The following GBGT1 variants were observed in gnomAD, a reference collection of about 807,000 sequenced individuals.
The protein encoded by GBGT1 is globoside alpha-1,3-N-acetylgalactosaminyltransferase 1.
Under a neutral mutation model 20.9 loss-of-function variants are expected in GBGT1, and 18 were observed. That is an observed-to-expected ratio of 0.86 (90% CI 0.60 to 1.28). GBGT1 has a LOEUF of 1.28. Among genes scored for constraint, GBGT1 ranks in the 50% most tolerant of loss-of-function variants. GBGT1 has a pLI of 0.00. For missense variants in GBGT1, 432 were observed against 455.7 expected (o/e 0.95, Z 0.47); for synonymous variants, 168 against 180.8 (o/e 0.93, Z 0.57).
chr9:133,161,012 G>GAAA (rs10537325), intron 3 of GBGT1: 12 of 338,908 alleles, frequency 3.5e-5, no homozygotes, highest in South Asian at 3.3e-4. Context: ...TCTGACTCAA[G>GAAA]AAAAAAAAAA....
rs1832835593 is a variant in GBGT1 at position 133,155,208 on chromosome 9, G to A, written c.329C>T (p.Thr110Ile). 6.2e-7 allele frequency: 1 copy of A among 1,614,088 alleles called. No homozygotes were observed. The highest frequency in any genetic ancestry group is 2.2e-5 in the East Asian group (1 of 44,882). Residue 110 changes from threonine (T) to isoleucine (I), a missense_variant, in exon 6 of 7, where the codon ACC (threonine) becomes ATC (isoleucine). Thr to Ile is a moderately conservative substitution (Grantham distance 89). Coordinates refer to ENST00000372040, the MANE Select transcript of GBGT1 (RefSeq NM_021996.6). ...LQHIYQPLNL[T>I]IGVTVFAVGK... ...CACGGCAAACACCGTGACCCCAATG[G>A]TCAGGTTCAGTGGCTGGTAGATGTG...
At chr9:133,161,797 C>T (rs919582727) in intron 2 of GBGT1, among the ~76,000 whole-genome samples, 4 of 152,184 alleles carry the variant, frequency 2.6e-5, no homozygotes, top group Non-Finnish European at 4.4e-5. Context: ...GCCAGGCCCC[C>T]CACACAAACA....
rs959884707 is a variant in GBGT1, at chr9:133,155,179, T to A, written c.358A>T (p.Lys120Ter). 3.1e-6 allele frequency: 5 copies of A among 1,613,294 alleles called. No homozygotes were observed. The highest frequency in any genetic ancestry group is 4.2e-6 in the Non-Finnish European group (5 of 1,179,658). Reference sequence around the variant, plus strand: ...CCCCTTCCCCAGCCCACTACTCACTTCCCCACGGCAAACACCGTGACCCCA... The same window carrying A: ...CCCCTTCCCCAGCCCACTACTCACTACCCCACGGCAAACACCGTGACCCCA... ...TIGVTVFAVG[K>*]YTHFIQSFLE... The change falls in exon 6 of 7, where the codon AAG becomes TAG. Residue 120 changes from lysine to a stop codon, truncating the protein, a stop_gained and splice_region_variant. Transcript: ENST00000372040. LOFTEE classifies it low-confidence loss of function (END_TRUNC).
Position 133,154,216 on chromosome 9 carries a change from G to A in GBGT1, c.405C>T (p.Phe135=). The change falls in exon 7 of 7, where the codon TTC becomes TTT. Residue 135 remains phenylalanine, a synonymous_variant. Transcript: ENST00000372040. This position sits in a 1 kb window ranked among gnomAD's most constrained non-coding sequence, Gnocchi z 4.2. ...AGTGCACCCGGTACCCACGCATGAA[G>A]AACTCCTCGGCTGACTCCAGGAAGG... ...IQSFLESAEE[F]FMRGYRVHYY... 1 of 1,547,252 alleles carries A rather than the reference G, an allele frequency of 6.5e-7. No homozygotes were observed. Among genetic ancestry groups the A allele is most frequent in the Non-Finnish European group, 8.8e-7 (1 of 1,141,892 alleles).
chr9:133,163,095 T>C (rs1833105083), intron 1 of GBGT1: 1 of 152,562 alleles, frequency 6.6e-6, no homozygotes, highest in African/African-American at 2.4e-5. Context: ...CTAGGTCCAT[T>C]GTCAGAGGTG....
rs1251885724 is a variant in GBGT1 at position 133,153,841 on chromosome 9, A to C, written c.780T>G (p.Tyr260Ter). The C allele has an allele frequency of 1.3e-6, 2 of 1,596,176 alleles. No homozygotes were observed. Among genetic ancestry groups the C allele is most frequent in the Non-Finnish European group, 1.7e-6 (2 of 1,168,408 alleles). Residue 260 changes from tyrosine to a stop codon, truncating the protein, a stop_gained, in exon 7 of 7, where the codon TAT (tyrosine) becomes TAG (stop). Transcript: ENST00000372040. LOFTEE classifies it low-confidence loss of function (END_TRUNC). Reference protein sequence around the residue: ...FVADSEGDFYYGGAVFGGQVA... With the variant: ...FVADSEGDFY ...CCTGCCCCCCGAAGACTGCCCCACC[A>C]TAATAGAAGTCCCCTTCGCTGTCTG...
chr9:133,154,125 T>C lies in GBGT1; in HGVS notation c.496A>G (p.Ser166Gly), dbSNP rs147921910. The change falls in exon 7 of 7, where the codon AGC becomes GGC. Residue 166 changes from serine to glycine, a missense_variant. Ser to Gly is a moderately conservative substitution (Grantham distance 56). Transcript: ENST00000372040. The surrounding 1 kb of genome is among the most constrained non-coding windows in gnomAD (Gnocchi z 4.2). Reference sequence around the variant, plus strand: ...GAGTGACCCTGGATGGGGATGGAGCTGAGAAGCCGGTGGGGACCCAGCGGG... The same window carrying C: ...GAGTGACCCTGGATGGGGATGGAGCCGAGAAGCCGGTGGGGACCCAGCGGG... ...GVPLGPHRLL[S>G]SIPIQGHSHW... 4.4e-4 allele frequency: 714 copies of C among 1,607,742 alleles called. 1 individual carries two copies. Among genetic ancestry groups the C allele is most frequent in the Non-Finnish European group, 5.9e-4 (688 of 1,175,536 alleles).
Position 133,154,148 on chromosome 9 carries a change from G to T in GBGT1, c.473C>A (p.Pro158Gln), listed in dbSNP as rs147110868. 1.9e-6 allele frequency: 3 copies of T among 1,599,266 alleles called. No homozygotes were observed. The South Asian group carries it at 3.3e-5, about 18-fold the overall frequency. ...GCTGAGAAGCCGGTGGGGACCCAGC[G>T]GGACCCCGGGAACGGCTGCAGGGTT... ...TDNPAAVPGVPLGPHRLLSSI... is the reference protein window; with the variant it reads ...TDNPAAVPGVQLGPHRLLSSI... The change falls in exon 7 of 7, where the codon CCG becomes CAG. Residue 158 changes from proline (P) to glutamine (Q), a missense_variant. Transcript: ENST00000372040. The surrounding 1 kb of genome is among the most constrained non-coding windows in gnomAD (Gnocchi z 4.2).
intron 3 of GBGT1, among the ~76,000 whole-genome samples, chr9:133,158,154 G>A (rs117831977): frequency 0.014 from 2,000 of 147,280 alleles, 36 homozygotes; most frequent in Non-Finnish European, 0.018. Flanking sequence ...AAAAAAAAGG[G>A]AAAGGCCACC....
At position 133,162,446 on chromosome 9, in the gene GBGT1, A is replaced by G; in HGVS notation, c.-34T>C. The G allele has an allele frequency of 1.3e-6, 2 of 1,568,720 alleles. No homozygotes were observed. The highest frequency in any genetic ancestry group is 1.7e-6 in the Non-Finnish European group (2 of 1,152,962). The stretch of plus-strand genomic sequence containing the variant: ...GCTGCACCTGAGCCTGGGCACTTGT[A>G]GAGACCCCCACTGGCCTGGGCGGAT... On this transcript the variant is annotated 5_prime_UTR_variant, in exon 2 of 7. Transcript: ENST00000372040.
chr9:133,159,342 T>G lies in GBGT1; in HGVS notation c.137+2125A>C, dbSNP rs1832965596. On this transcript the variant is annotated intron_variant, in intron 3 of 6. Coordinates refer to ENST00000372040, the MANE Select transcript of GBGT1 (RefSeq NM_021996.6). The stretch of plus-strand genomic sequence containing the variant: ...TGCCCTAGTTTCCTACAAGAAAGCA[T>G]GTTTCAGGGCCCTGCTCAGAAAGCC... Among the ~76,000 whole-genome samples, 3 of 152,228 alleles carry G rather than the reference T, an allele frequency of 2.0e-5. No homozygotes were observed. In the South Asian group the frequency reaches 6.2e-4, roughly 31 times the overall value.
intron 3 of GBGT1, among the ~76,000 whole-genome samples, chr9:133,159,842 A>T (rs1302400842): frequency 6.6e-6 from 1 of 152,154 alleles, no homozygotes; most frequent in African/African-American, 2.4e-5. Flanking sequence ...GAAAGAAAAA[A>T]AAAAGTTGTA....
Position 133,154,021 on chromosome 9 carries a change from G to C in GBGT1, c.600C>G (p.Asp200Glu). 6.2e-7 allele frequency: 1 copy of C among 1,613,870 alleles called. No individual in the cohort carries two copies. Among genetic ancestry groups the C allele is most frequent in the Non-Finnish European group, 8.5e-7 (1 of 1,179,988 alleles). The change falls in exon 7 of 7, where the codon GAC becomes GAG. Residue 200 changes from aspartate to glutamate, a missense_variant. Asp to Glu is a conservative substitution (Grantham distance 45). Coordinates refer to ENST00000372040, the MANE Select transcript of GBGT1 (RefSeq NM_021996.6). The surrounding 1 kb of genome is among the most constrained non-coding windows in gnomAD (Gnocchi z 4.2). The stretch of plus-strand genomic sequence containing the variant: ...TGTCCACATCAAGGCAGAAGAGGTA[G>C]TCCACCTCCCGGTGAGCCCTCTTAG... The part of the protein sequence containing the change: ...HIAKRAHREV[D>E]YLFCLDVDMV...
At chr9:133,159,802 G>A (rs939468822) in intron 3 of GBGT1, among the ~76,000 whole-genome samples, 2 of 151,366 alleles carry the variant, frequency 1.3e-5, no homozygotes, top group Middle Eastern at 6.8e-3. Context: ...ATCTCCCTCC[G>A]CCACGCACAC....
intron 3 of GBGT1, chr9:133,160,032 T>G: frequency 1.9e-5 from 3 of 162,032 alleles, no homozygotes; most frequent in Middle Eastern, 2.8e-3. Context: ...GTTCACGCCT[T>G]TAATCCCAGC....
intron 5 of GBGT1, 107 bp downstream of exon 5, chr9:133,155,794 G>T: frequency 8.3e-7 from 1 of 1,211,572 alleles, no homozygotes. Flanking sequence ...CTAACTCTCT[G>T]GGCCCCAAGG....
chr9:133,159,868 G>A (rs1832981780), intron 3 of GBGT1: 1 of 153,382 alleles, frequency 6.5e-6, no homozygotes, highest in Non-Finnish European at 1.5e-5. Flanking sequence ...ACTTAGCCAA[G>A]AGTGATGATA....
In GBGT1 at chr9:133,153,768, C is replaced by T; in HGVS notation, c.853G>A (p.Ala285Thr). The change falls in exon 7 of 7, where the codon GCG (alanine) becomes ACG (threonine). Residue 285 changes from alanine to threonine, a missense_variant. Ala to Thr is a moderately conservative substitution (Grantham distance 58, BLOSUM62 0). Coordinates refer to ENST00000372040, the MANE Select transcript of GBGT1 (RefSeq NM_021996.6). The part of the protein sequence containing the change: ...FTRGCHMAIL[A>T]DKANGIMAAW... ...GCCATGATGCCATTGGCCTTGTCCG[C>T]CAGGATGGCCATGTGGCAGCCCCTA... 6.2e-7 allele frequency: 1 copy of T among 1,609,808 alleles called. No individual in the cohort carries two copies. Among genetic ancestry groups the T allele is most frequent in the Non-Finnish European group, 8.5e-7 (1 of 1,177,896 alleles).
intron 3 of GBGT1, among the ~76,000 whole-genome samples, 193 bp from the exon 4 acceptor site, chr9:133,156,258 G>A (rs1209331791): frequency 1.3e-5 from 2 of 152,172 alleles, no homozygotes; most frequent in African/African-American, 2.4e-5. Flanking sequence ...ATCTGTCCAG[G>A]GTCACTGAGA....
Sources: allele counts gnomAD v4.1 joint callset (sites outside exome capture counted in the v4.1 genomes callset), GRCh38; gene constraint gnomAD v4.1.1; non-coding constraint Gnocchi (gnomAD v3.1); transcripts MANE v1.5; gene names NCBI Gene and HGNC (gene_info 2026-07-23, HGNC 2026-07-21).